The following KIF26B variants were observed in gnomAD, a reference collection of about 807,000 sequenced individuals.
KIF26B encodes kinesin family member 26B, also known as kinesin-like protein KIF26B.
KIF26B carries 63 observed loss-of-function variants against 151.2 expected under a neutral mutation model. The ratio of observed to expected loss-of-function variants is 0.42; its 90% CI spans 0.34 to 0.51. The LOEUF (loss-of-function observed/expected upper bound fraction) is 0.51. Among genes scored for constraint, KIF26B ranks in the 20% least tolerant of loss-of-function variants. KIF26B has a pLI of 0.07. For missense variants in KIF26B, 2,813 were observed against 2,913.6 expected, an observed-to-expected ratio of 0.97 and a Z score of 0.79; for synonymous variants, 1,357 against 1,262.1, an observed-to-expected ratio of 1.08 and a Z score of -1.59.
intron 4 of KIF26B, among the ~76,000 whole-genome samples, chr1:245,433,352 A>T (rs1204692682): frequency 6.6e-6 from 1 of 151,874 alleles, no homozygotes; most frequent in Non-Finnish European, 1.5e-5. Context: ...CTGTAGCCCC[A>T]GCTACTTGGA....
chr1:245,430,528 G>A (rs76939337), intron 4 of KIF26B, among the ~76,000 whole-genome samples: 2,802 of 152,114 alleles, frequency 0.018, 96 homozygotes, highest in African/African-American at 0.065. Flanking sequence ...GCAACCAAGT[G>A]CAGTGGCACA....
intron 2 of KIF26B, among the ~76,000 whole-genome samples, chr1:245,254,681 G>A (rs1670502897): frequency 1.3e-5 from 2 of 152,228 alleles, no homozygotes; most frequent in Admixed American, 6.5e-5. Context: ...TCAGTTACGT[G>A]CTATGACATC....
chr1:245,524,162 A>T (rs1233118442), intron 4 of KIF26B, among the ~76,000 whole-genome samples: 3 of 152,198 alleles, frequency 2.0e-5, no homozygotes, highest in African/African-American at 7.2e-5. Context: ...TATGGACGCT[A>T]AGGCAAATGG....
At position 245,564,919 on chromosome 1, in the gene KIF26B, A is replaced by G. The variant is rs1206728995; in HGVS notation, c.1350+23969A>G. 6.6e-6 allele frequency among the ~76,000 whole-genome samples: 1 copy of G among 152,224 alleles called. No homozygotes were observed. Among genetic ancestry groups the G allele is most frequent in the African/African-American group, 2.4e-5 (1 of 41,470 alleles). ...CTGCTGCTGATCTGACGGGAGGCAG[A>G]GTTCAAGTGGTAACGCTTACCTTCT... On this transcript the variant is annotated intron_variant, in intron 5 of 14. Coordinates refer to ENST00000407071, the MANE Select transcript of KIF26B (RefSeq NM_018012.4). The surrounding 1 kb of genome is among the most constrained non-coding windows in gnomAD (Gnocchi z 4.6).
chr1:245,692,369 G>A (rs975499526), intron 12 of KIF26B, among the ~76,000 whole-genome samples: 2 of 152,204 alleles, frequency 1.3e-5, no homozygotes, highest in Admixed American at 6.6e-5. Flanking sequence ...GGCCCAAGTG[G>A]AGAGAGCATT....
chr1:245,264,690 C>T lies in KIF26B; in HGVS notation c.466-102144C>T, dbSNP rs190432706. 2.0e-4 allele frequency among the ~76,000 whole-genome samples: 31 copies of T among 151,466 alleles called. No homozygotes were observed. The East Asian group carries it at 4.1e-3, about 20-fold the overall frequency. On this transcript the variant is annotated intron_variant, in intron 2 of 14. Coordinates refer to ENST00000407071, the MANE Select transcript of KIF26B (RefSeq NM_018012.4). The stretch of plus-strand genomic sequence containing the variant: ...CAGGCAGATCACAAGGTCAGGAGAT[C>T]GAGACCGTCCTGGCTAACAAGGTGA...
intron 2 of KIF26B, among the ~76,000 whole-genome samples, chr1:245,337,548 G>T (rs1308747199): frequency 6.6e-6 from 1 of 150,454 alleles, no homozygotes; most frequent in Non-Finnish European, 1.5e-5. Flanking sequence ...GTGTGTGTGT[G>T]TGTGTGTGCA....
chr1:245,480,780 TAAAAA>T (rs57127912), intron 4 of KIF26B, among the ~76,000 whole-genome samples: 10 of 143,472 alleles, frequency 7.0e-5, no homozygotes, highest in African/African-American at 2.0e-4. Flanking sequence ...TTTAAAATGT[TAAAAA>T]AAAAAAAAAA....
chr1:245,539,656 TTTTG>T, intron 4 of KIF26B, among the ~76,000 whole-genome samples: 1 of 152,294 alleles, frequency 6.6e-6, no homozygotes, highest in East Asian at 1.9e-4. Context: ...CATGGATTTG[TTTTG>T]TTTTTCTTTT....
At chr1:245,555,440 T>TA (rs1661996856) in intron 5 of KIF26B, among the ~76,000 whole-genome samples, 1 of 152,138 alleles carries the variant, frequency 6.6e-6, no homozygotes, top group African/African-American at 2.4e-5. Flanking sequence ...CTTTCTCTCT[T>TA]ACAGCTGCCA....
intron 4 of KIF26B, among the ~76,000 whole-genome samples, chr1:245,518,475 A>T (rs926791655): frequency 6.6e-6 from 1 of 152,220 alleles, no homozygotes; most frequent in African/African-American, 2.4e-5. Context: ...AAAGAAGAGG[A>T]GATAAAGTCT....
intron 4 of KIF26B, among the ~76,000 whole-genome samples, chr1:245,502,512 C>T (rs914201480): frequency 2.4e-5 from 3 of 126,004 alleles, no homozygotes; most frequent in South Asian, 2.6e-4. Flanking sequence ...GGCAACAGAG[C>T]GAGCAAGATT....
At chr1:245,617,989 G>A (rs1003800253) in intron 9 of KIF26B, among the ~76,000 whole-genome samples, 10 of 151,896 alleles carry the variant, frequency 6.6e-5, no homozygotes, top group Non-Finnish European at 1.5e-4. Flanking sequence ...CTCACCAATT[G>A]GGACCCCCTC....
chr1:245,453,916 A>G (rs1659454702), intron 4 of KIF26B, among the ~76,000 whole-genome samples: 2 of 152,198 alleles, frequency 1.3e-5, no homozygotes, highest in Admixed American at 6.5e-5. Context: ...GAAATGGTAT[A>G]AATAAAAATT....
At chr1:245,533,935 G>T (rs1397632123) in intron 4 of KIF26B, among the ~76,000 whole-genome samples, 1 of 152,150 alleles carries the variant, frequency 6.6e-6, no homozygotes, top group Non-Finnish European at 1.5e-5. Context: ...GCCAATGAGA[G>T]CAAGTAACCA....
intron 9 of KIF26B, among the ~76,000 whole-genome samples, chr1:245,622,877 G>A (rs1259536427): frequency 1.3e-5 from 2 of 152,100 alleles, no homozygotes; most frequent in Non-Finnish European, 2.9e-5. Flanking sequence ...CGCCTCTCTG[G>A]AAGAGTGGGG....
intron 9 of KIF26B, among the ~76,000 whole-genome samples, chr1:245,615,937 C>T (rs892954313): frequency 3.3e-5 from 5 of 152,166 alleles, no homozygotes; most frequent in Admixed American, 6.5e-5. Context: ...ATAATCCCTG[C>T]GGACCTGGCA....
intron 3 of KIF26B, among the ~76,000 whole-genome samples, chr1:245,387,480 T>C (rs1047653426): frequency 1.3e-5 from 2 of 152,138 alleles, no homozygotes; most frequent in Non-Finnish European, 2.9e-5. Context: ...TAACTCTTGA[T>C]TCCTCCTTTA....
chr1:245,343,600 T>G (rs761927986), intron 2 of KIF26B, among the ~76,000 whole-genome samples: 7 of 152,224 alleles, frequency 4.6e-5, no homozygotes, highest in Non-Finnish European at 1.0e-4. Flanking sequence ...GTAATTGACA[T>G]TTAAACGCAA....
Sources: gnomAD v4.1 joint callset for allele counts (sites outside exome capture counted in the v4.1 genomes callset) on GRCh38, gnomAD v4.1.1 for gene constraint, Gnocchi (gnomAD v3.1) non-coding constraint, MANE v1.5 for transcripts, NCBI Gene and HGNC (gene_info 2026-07-23, HGNC 2026-07-21) for gene names.